RYR1: variants seen among roughly 807,000 people sequenced by gnomAD.
RYR1 encodes the protein ryanodine receptor 1, also known as central core disease of muscle.
In RYR1, 342 loss-of-function variants were observed where a neutral mutation model predicts 583.5. The ratio of observed to expected loss-of-function variants is 0.59; its 90% confidence interval spans 0.54 to 0.64. The LOEUF is 0.64. Ranked by LOEUF, RYR1 falls within the 30% of genes least tolerant of loss-of-function variation. The pLI is 0.00. For missense variants in RYR1, 6,032 were observed against 6,917.2 expected, an observed-to-expected ratio of 0.87 and a Z score of 4.54; for synonymous variants, 2,791 against 2,822.5, an observed-to-expected ratio of 0.99 and a Z score of 0.35.
chr19:38,565,568 G>T lies in RYR1; in HGVS notation c.13234G>T (p.Ala4412Ser). ...AGACGGCGAGGGTGCCAGCGAGGGCGCTGGAGACGCCGCGGAGGGCGCTGG... is the reference window on the plus strand; with the variant it reads ...AGACGGCGAGGGTGCCAGCGAGGGCTCTGGAGACGCCGCGGAGGGCGCTGG... ...DADGEGASEGAGDAAEGAGDE... is the reference protein window; with the variant it reads ...DADGEGASEGSGDAAEGAGDE... Residue 4412 changes from alanine (A) to serine (S), a missense_variant, in exon 91 of 106, where the codon GCT (alanine) becomes TCT (serine). Coordinates refer to ENST00000359596, the MANE Select transcript of RYR1 (RefSeq NM_000540.3). The surrounding 1 kb of genome is among the most constrained non-coding windows in gnomAD (Gnocchi z 4.7). 1 of 1,476,570 alleles carries T rather than the reference G, an allele frequency of 6.8e-7. No homozygotes were observed. Among genetic ancestry groups the T allele is most frequent in the Non-Finnish European group, 8.9e-7 (1 of 1,120,704 alleles). The allele number at this position is 1,476,570 out of a possible 1,614,324, so 91.5% of individuals were successfully genotyped here.
rs1568493411 is a variant in RYR1, at chr19:38,494,352, G to A, written c.6275G>A (p.Arg2092Gln). The A allele has an allele frequency of 6.2e-7, 1 of 1,611,316 alleles. No homozygotes were observed. The highest frequency in any genetic ancestry group is 2.2e-5 in the East Asian group (1 of 44,874). ...EERSAEESKP[R>Q]SLQELVSHMV... is the part of the protein sequence containing the mutation. Reference sequence around the variant, plus strand: ...AAGCCTTGCATTGTCTCCTTCCCAGGGTCCCTGCAGGAGCTGGTGTCCCAC... The same window carrying A: ...AAGCCTTGCATTGTCTCCTTCCCAGAGTCCCTGCAGGAGCTGGTGTCCCAC... Residue 2092 changes from arginine (R) to glutamine (Q), a missense_variant and splice_region_variant, in exon 39 of 106, where the codon CGG becomes CAG. Arg to Gln is a conservative substitution (Grantham distance 43). This residue lies in a region of RYR1 where 2,627 missense variants were observed against 2,961.3 expected (regional missense o/e 0.89). Transcript: ENST00000359596.
rs1336015960 is a variant in RYR1 at position 38,565,793 on chromosome 19, T to G, written c.13437+22T>G. The stretch of plus-strand genomic sequence containing the variant: ...GGGGGTGAGAGAGCAGGCGGGGTTT[T>G]GGGGTTTTGGAAAGATGGGGGATTG... On this transcript the variant is annotated intron_variant, in intron 91 of 105. Transcript: ENST00000359596. The surrounding 1 kb of genome is among the most constrained non-coding windows in gnomAD (Gnocchi z 4.7). The G allele has an allele frequency of 1.5e-6, 2 of 1,375,848 alleles. No homozygotes were observed. The highest frequency in any genetic ancestry group is 3.0e-5 in the East Asian group (1 of 33,194). The allele number at this position is 1,375,848 out of a possible 1,614,324, so 85.2% of individuals were successfully genotyped here.
Position 38,506,971 on chromosome 19 carries a change from C to A in RYR1, c.8816+19C>A, listed in dbSNP as rs774918524. 4 of 1,612,146 alleles carry A rather than the reference C, an allele frequency of 2.5e-6. No homozygotes were observed. The African/African-American group carries it at 5.3e-5, about 22-fold the overall frequency. On this transcript the variant is annotated intron_variant, in intron 57 of 105. Transcript: ENST00000359596. ...TTACAAGGCACGCGGGTTGGGGCTC[C>A]CGCGGAAGAGCAGCAGGCAGAACAC...
intron 88 of RYR1, 93 bp from the exon 89 acceptor site, chr19:38,548,140 G>T: frequency 7.2e-7 from 1 of 1,386,262 alleles, no homozygotes; most frequent in Non-Finnish European, 1.0e-6. Context: ...CACTCCAGCA[G>T]CGTGGTGGCT....
intron 58 of RYR1, among the ~76,000 whole-genome samples, chr19:38,509,785 A>C (rs574826787): frequency 1.3e-5 from 2 of 151,026 alleles, no homozygotes; most frequent in East Asian, 3.9e-4. Flanking sequence ...AGTATCAGTT[A>C]TGACTGTCAC....
intron 99 of RYR1, among the ~76,000 whole-genome samples, chr19:38,579,689 T>C (rs2145893912): frequency 6.6e-6 from 1 of 151,252 alleles, no homozygotes; most frequent in South Asian, 2.1e-4. Flanking sequence ...TGCTCCTGCC[T>C]CAGCCCCCCA....
chr19:38,450,149 CAG>C (rs1432445344), intron 11 of RYR1, among the ~76,000 whole-genome samples: 1 of 152,170 alleles, frequency 6.6e-6, no homozygotes, highest in Non-Finnish European at 1.5e-5. Context: ...AGACTACGGT[CAG>C]GGGACAGAGC....
intron 24 of RYR1, 123 bp from the exon 25 acceptor site, chr19:38,467,487 C>A: frequency 9.5e-7 from 1 of 1,056,192 alleles, no homozygotes; most frequent in East Asian, 2.4e-5. Flanking sequence ...AAGAAATTGA[C>A]CCTCTTCCAA....
intron 84 of RYR1, among the ~76,000 whole-genome samples, chr19:38,540,027 T>G: frequency 6.6e-6 from 1 of 152,194 alleles, no homozygotes; most frequent in East Asian, 1.9e-4. Context: ...GTCTATGTCA[T>G]GAAACTAGGC....
chr19:38,491,434 CT>C (rs112294433), intron 37 of RYR1, among the ~76,000 whole-genome samples: 8,135 of 136,046 alleles, frequency 0.06, 362 homozygotes, highest in African/African-American at 0.14. Flanking sequence ...TTTCATTTTG[CT>C]TTTTTTTTTT....
At position 38,548,353 on chromosome 19, in the gene RYR1, G is replaced by C; in HGVS notation, c.12215G>C (p.Gly4072Ala). ...TTCCTGAAACTCAAGGACATTGTGG[G>C]CTCTGAAGCCTTCCAGGACTACGTA... ...DMFLKLKDIV[G>A]SEAFQDYVTD... Residue 4072 changes from glycine (G) to alanine (A), a missense_variant, in exon 89 of 106, where the codon GGC (glycine) becomes GCC (alanine). Coordinates refer to ENST00000359596, the MANE Select transcript of RYR1 (RefSeq NM_000540.3). 1 of 1,614,174 alleles carries C rather than the reference G, an allele frequency of 6.2e-7. No individual in the cohort carries two copies. The highest frequency in any genetic ancestry group is 8.5e-7 in the Non-Finnish European group (1 of 1,180,040).
In RYR1 at chr19:38,444,097, A is replaced by G. The variant is rs575042217; in HGVS notation, c.425-52A>G. 6.0e-6 allele frequency: 9 copies of G among 1,491,298 alleles called. No homozygotes were observed. The East Asian group carries it at 1.4e-4, about 22-fold the overall frequency. 92.4% of individuals were successfully genotyped at this position (1,491,298 alleles called of 1,614,324 possible). A position where few individuals can be genotyped will look rare whatever the true frequency, so the allele number is the denominator to read the frequency against. On this transcript the variant is annotated intron_variant, in intron 5 of 105. Transcript: ENST00000359596. This position sits in a 1 kb window ranked among gnomAD's most constrained non-coding sequence, Gnocchi z 5.1. ...TGGAGGGAGAGCCCTGGGGAAGAGC[A>G]TTCTGGGAAGCCATCATCTGACAGC... is the stretch of plus-strand genomic sequence containing the variant.
rs1328709837 is a variant in RYR1, at chr19:38,573,199, G to A, written c.14021G>A (p.Arg4674Gln). ...CLKVPLVIFK[R>Q]EKELARKLEF... ...CAGGTGCCCCTGGTAATCTTTAAGC[G>A]GGAGAAGGAGCTGGCCCGGAAGCTG... is the stretch of plus-strand genomic sequence containing the variant. The change falls in exon 96 of 106, where the codon CGG becomes CAG. Residue 4674 changes from arginine to glutamine, a missense_variant. This residue lies in a region of RYR1 where 188 missense variants were observed against 215.6 expected (regional missense o/e 0.87). Coordinates refer to ENST00000359596, the MANE Select transcript of RYR1 (RefSeq NM_000540.3). 6 of 1,613,938 alleles carry A rather than the reference G, an allele frequency of 3.7e-6. No individual in the cohort carries two copies. The highest frequency in any genetic ancestry group is 1.7e-4 in the Middle Eastern group (1 of 6,060).
rs369020609 is a variant in RYR1, at chr19:38,475,480, TC to T, written c.4293+36del. On this transcript the variant is annotated intron_variant, in intron 29 of 105. Transcript: ENST00000359596. ...GGACCAGTAACCCTCAATTTTGGGG[TC>T]CCCCCGCATAGCATAGGCACTCCTG... 4.3e-6 allele frequency: 7 copies of T among 1,611,574 alleles called. No homozygotes were observed. In the African/African-American group the frequency reaches 5.3e-5, roughly 12 times the overall value.
chr19:38,580,961 C>A (rs1001230445), intron 101 of RYR1, among the ~76,000 whole-genome samples: 7 of 149,752 alleles, frequency 4.7e-5, no homozygotes, highest in Non-Finnish European at 1.0e-4. Context: ...TGCAGTGGCG[C>A]AATCTCAGCT....
At chr19:38,477,290 C>T (rs563280831) in intron 29 of RYR1, among the ~76,000 whole-genome samples, 1 of 151,956 alleles carries the variant, frequency 6.6e-6, no homozygotes, top group Non-Finnish European at 1.5e-5. Flanking sequence ...CTACAGGCGC[C>T]CACCACCATG....
intron 58 of RYR1, among the ~76,000 whole-genome samples, chr19:38,508,335 G>C (rs1449994251): frequency 1.3e-5 from 2 of 151,974 alleles, no homozygotes; most frequent in East Asian, 3.9e-4. Context: ...TCAGCCTCCT[G>C]AGTAGCTGGG....
chr19:38,549,386 G>T (rs190661863), intron 89 of RYR1, among the ~76,000 whole-genome samples: 1 of 152,204 alleles, frequency 6.6e-6, no homozygotes, highest in Non-Finnish European at 1.5e-5. Context: ...GAGCCCAAGA[G>T]TTCGAGATCA....
chr19:38,452,126 C>CAAAAAAAAAAAA (rs66571762), intron 12 of RYR1, among the ~76,000 whole-genome samples: 1 of 68,882 alleles, frequency 1.5e-5, no homozygotes. Context: ...CCGCCTCTAC[C>CAAAAAAAAAAAA]AAAAAAAAAA....
Sources: gnomAD v4.1 joint callset for allele counts (sites outside exome capture counted in the v4.1 genomes callset) on GRCh38, gnomAD v4.1.1 for gene constraint, gnomAD v4.1.1 regional missense constraint, Gnocchi (gnomAD v3.1) non-coding constraint, MANE v1.5 for transcripts, NCBI Gene and HGNC (gene_info 2026-07-23, HGNC 2026-07-21) for gene names.